Variants in DOCK3 observed in about 807,000 individuals in gnomAD.
The protein encoded by DOCK3 is dedicator of cytokinesis protein 3.
Under a neutral mutation model 265.6 loss-of-function variants are expected in DOCK3, and 60 were observed. That is an observed-to-expected ratio of 0.23 (90% CI 0.18 to 0.28). The LOEUF is 0.28. DOCK3 is among the 10% of genes least tolerant of loss of function. The pLI is 1.00. For missense variants in DOCK3, 1,981 were observed against 2,594.3 expected (o/e 0.76, Z 5.14); for synonymous variants, 881 against 938.0 (o/e 0.94, Z 1.11).
rs1397201469 is a variant in DOCK3 at position 50,970,951 on chromosome 3, T to C, written c.315+36874T>C. On this transcript the variant is annotated intron_variant, in intron 5 of 52. Coordinates refer to ENST00000266037, the MANE Select transcript of DOCK3 (RefSeq NM_004947.5). ...TATATATATATATATATATATAATG[T>C]GTGTGTGTGTGTGTGTATATATATA... 5.1e-3 allele frequency among the ~76,000 whole-genome samples: 237 copies of C among 46,658 alleles called. 12 individuals are homozygous for C. The highest frequency in any genetic ancestry group is 0.017 in the African/African-American group (225 of 13,504). The allele number at this position is 46,658 out of a possible 152,430, so 30.6% of individuals were successfully genotyped here.
intron 12 of DOCK3, among the ~76,000 whole-genome samples, chr3:51,176,246 G>A (rs764705670): frequency 2.1e-4 from 32 of 152,218 alleles, no homozygotes; most frequent in East Asian, 1.9e-3. Flanking sequence ...ATTTTCTGCC[G>A]TAGGATTGGA....
At chr3:50,940,433 G>A (rs1360374840) in intron 5 of DOCK3, among the ~76,000 whole-genome samples, 1 of 152,078 alleles carries the variant, frequency 6.6e-6, no homozygotes, top group Non-Finnish European at 1.5e-5. Context: ...TATGCTCACG[G>A]ATTAGAAAAG....
chr3:50,829,246 A>C (rs2044979945), intron 2 of DOCK3, among the ~76,000 whole-genome samples: 1 of 152,072 alleles, frequency 6.6e-6, no homozygotes, highest in African/African-American at 2.4e-5. Context: ...GTTTTCTTTT[A>C]GCATTTTAAA....
At chr3:51,163,422 A>G (rs1399402438) in intron 12 of DOCK3, among the ~76,000 whole-genome samples, 1 of 152,170 alleles carries the variant, frequency 6.6e-6, no homozygotes, top group African/African-American at 2.4e-5. Flanking sequence ...AAAAATTGCA[A>G]TAAGAAGCTG....
At chr3:50,692,040 G>GA (rs2035283999) in intron 1 of DOCK3, among the ~76,000 whole-genome samples, 11 of 151,706 alleles carry the variant, frequency 7.3e-5, no homozygotes, top group Non-Finnish European at 1.3e-4. Context: ...TCAGCCTCCT[G>GA]GGTAGCTGGG....
At chr3:51,035,049 T>G (rs1485020524) in intron 5 of DOCK3, among the ~76,000 whole-genome samples, 1 of 152,068 alleles carries the variant, frequency 6.6e-6, no homozygotes, top group East Asian at 1.9e-4. Context: ...ATGCATTAAT[T>G]CCTTTAGTCT....
chr3:51,302,144 G>A (rs1323800101), intron 27 of DOCK3, among the ~76,000 whole-genome samples: 2 of 152,108 alleles, frequency 1.3e-5, no homozygotes, highest in Non-Finnish European at 2.9e-5. Context: ...ATTTAGGATA[G>A]CCCTTCTTGT....
intron 19 of DOCK3, 91 bp downstream of exon 19, chr3:51,229,700 G>C: frequency 3.3e-6 from 3 of 922,672 alleles, no homozygotes; most frequent in Non-Finnish European, 4.5e-6. Context: ...ATAACCGTCT[G>C]AGACTGTTTC....
At chr3:51,119,913 C>T (rs978333439) in intron 9 of DOCK3, among the ~76,000 whole-genome samples, 4 of 151,944 alleles carry the variant, frequency 2.6e-5, no homozygotes, top group African/African-American at 4.8e-5. Flanking sequence ...AGAACATGCT[C>T]CTTTAGCTTG....
At chr3:50,797,483 C>T (rs938373684) in intron 2 of DOCK3, among the ~76,000 whole-genome samples, 35 of 152,192 alleles carry the variant, frequency 2.3e-4, no homozygotes, top group Non-Finnish European at 3.2e-4. Context: ...TCTGTTGTCC[C>T]GGACAGCAGA....
At chr3:50,689,220 A>G (rs1036937539) in intron 1 of DOCK3, among the ~76,000 whole-genome samples, 4 of 152,200 alleles carry the variant, frequency 2.6e-5, no homozygotes, top group Admixed American at 1.3e-4. Context: ...CAGTACCAGC[A>G]TCATTGCCTC....
intron 1 of DOCK3, among the ~76,000 whole-genome samples, chr3:50,707,884 C>T (rs932698915): frequency 6.6e-6 from 1 of 151,646 alleles, no homozygotes. Flanking sequence ...AGTCTCCTGG[C>T]CCCCAGGTGG....
At chr3:51,309,044 C>A (rs2082892172) in intron 27 of DOCK3, among the ~76,000 whole-genome samples, 1 of 151,772 alleles carries the variant, frequency 6.6e-6, no homozygotes, top group African/African-American at 2.4e-5. Context: ...GGCAGAGACG[C>A]TTCTCACTTC....
chr3:51,049,793 CCACA>C (rs34449511), intron 5 of DOCK3, among the ~76,000 whole-genome samples: 104 of 147,302 alleles, frequency 7.1e-4, no homozygotes, highest in Admixed American at 4.0e-3. Flanking sequence ...CCTAATGGGT[CCACA>C]CACACACACA....
chr3:50,874,864 T>G (rs2047624351), intron 3 of DOCK3, among the ~76,000 whole-genome samples: 1 of 152,126 alleles, frequency 6.6e-6, no homozygotes, highest in Admixed American at 6.6e-5. Context: ...TCTCTAAATA[T>G]AAGATCATTG....
chr3:51,346,382 A>G (rs2085575200), intron 38 of DOCK3, among the ~76,000 whole-genome samples: 1 of 151,192 alleles, frequency 6.6e-6, no homozygotes. Flanking sequence ...GAGTGAGAAC[A>G]TGCGGTGTTT....
At chr3:51,279,551 C>T (rs1456895644) in intron 26 of DOCK3, among the ~76,000 whole-genome samples, 1 of 152,142 alleles carries the variant, frequency 6.6e-6, no homozygotes, top group African/African-American at 2.4e-5. Flanking sequence ...GTCTTAAAGC[C>T]CATAGCTTGT....
intron 2 of DOCK3, among the ~76,000 whole-genome samples, chr3:50,791,941 A>AT (rs919233719): frequency 6.0e-5 from 9 of 150,604 alleles, no homozygotes; most frequent in Non-Finnish European, 7.4e-5. Context: ...GCCATTCGGG[A>AT]TTTTTTTTTG....
At chr3:50,839,831 C>A (rs1446658412) in intron 2 of DOCK3, among the ~76,000 whole-genome samples, 1 of 149,116 alleles carries the variant, frequency 6.7e-6, no homozygotes, top group Non-Finnish European at 1.5e-5. Context: ...TGCAGTGGCA[C>A]CATCTCAGCT....
Sources: gnomAD v4.1 joint callset for allele counts (sites outside exome capture counted in the v4.1 genomes callset) on GRCh38, gnomAD v4.1.1 for gene constraint, MANE v1.5 for transcripts, NCBI Gene and HGNC (gene_info 2026-07-23, HGNC 2026-07-21) for gene names.